WDR64: variants seen among roughly 807,000 people sequenced by gnomAD.
WDR64 encodes the protein WD repeat domain 64.
WDR64 carries 112 observed loss-of-function variants against 139.3 expected under a neutral mutation model. The observed-to-expected ratio is 0.80, with a 90% CI of 0.69 to 0.94. WDR64 has a LOEUF of 0.94. WDR64 is among the 40% of genes least tolerant of loss of function. WDR64 has a pLI of 0.00. For missense variants in WDR64, 1,206 were observed against 1,293.1 expected (o/e 0.93, Z 1.03); for synonymous variants, 444 against 437.7 (o/e 1.01, Z -0.18).
rs1244880257 is a variant in WDR64, at chr1:241,796,296, G to A, written c.3118G>A (p.Gly1040Ser). 6.2e-7 allele frequency: 1 copy of A among 1,613,564 alleles called. No homozygotes were observed. Among genetic ancestry groups the A allele is most frequent in the Non-Finnish European group, 8.5e-7 (1 of 1,179,776 alleles). ...PTSLRFLPLI[G>S]VEAQKDSSDG... Reference sequence around the variant, plus strand: ...TAGTCTAAGATTTCTTCCACTGATTGGCGTAGAAGCCCAAAAGGACTCTTC... The same window carrying A: ...TAGTCTAAGATTTCTTCCACTGATTAGCGTAGAAGCCCAAAAGGACTCTTC... The change falls in exon 27 of 28, where the codon GGC becomes AGC. Residue 1040 changes from glycine (G) to serine (S), a missense_variant. By Grantham distance (56) the Gly-to-Ser change is moderately conservative. Coordinates refer to ENST00000437684, the MANE Select transcript of WDR64 (RefSeq NM_001367482.1).
At chr1:241,790,457 A>T (rs1056826977) in intron 24 of WDR64, 134 bp from the exon 25 acceptor site, 2 of 674,626 alleles carry the variant, frequency 3.0e-6, no homozygotes, top group Non-Finnish European at 5.0e-6. Flanking sequence ...TTGAGTGTAG[A>T]GATACTGTCA....
At chr1:241,795,139 G>C (rs1558528253) in intron 25 of WDR64, 68 bp from the exon 26 acceptor site, 2 of 1,414,932 alleles carry the variant, frequency 1.4e-6, no homozygotes, top group East Asian at 4.6e-5. Flanking sequence ...GTCAGGATTT[G>C]AACCCAGGTA....
intron 3 of WDR64, among the ~76,000 whole-genome samples, 166 bp downstream of exon 3, chr1:241,671,342 A>C (rs529110996): frequency 2.6e-5 from 4 of 152,224 alleles, no homozygotes; most frequent in Non-Finnish European, 5.9e-5. Flanking sequence ...TATCAGAAGA[A>C]ACTCTACTAC....
chr1:241,685,461 GA>G (rs1466594096), intron 7 of WDR64, among the ~76,000 whole-genome samples: 1 of 151,802 alleles, frequency 6.6e-6, no homozygotes, highest in African/African-American at 2.4e-5. Context: ...TTTCTACTTA[GA>G]AAAATATTGA....
At chr1:241,733,613 G>T (rs566620878) in intron 10 of WDR64, among the ~76,000 whole-genome samples, 1 of 149,824 alleles carries the variant, frequency 6.7e-6, no homozygotes, top group Non-Finnish European at 1.5e-5. Context: ...ATACATATAT[G>T]CACATATTAT....
intron 9 of WDR64, among the ~76,000 whole-genome samples, chr1:241,718,563 C>G (rs1330217390): frequency 6.6e-6 from 1 of 152,098 alleles, no homozygotes; most frequent in Admixed American, 6.6e-5. Flanking sequence ...ATTTTTCTCT[C>G]TTGCTGTTAA....
intron 1 of WDR64, among the ~76,000 whole-genome samples, chr1:241,657,449 G>C (rs1342198771): frequency 6.6e-6 from 1 of 152,110 alleles, no homozygotes; most frequent in Non-Finnish European, 1.5e-5. Flanking sequence ...CTTCGCCCCT[G>C]GTCTCACCTC....
intron 22 of WDR64, among the ~76,000 whole-genome samples, chr1:241,782,541 CAG>C (rs146889584): frequency 0.017 from 2,541 of 152,268 alleles, 92 homozygotes; most frequent in African/African-American, 0.058. Flanking sequence ...AATATACTCA[CAG>C]GGGGTGTGAG....
At chr1:241,742,116 G>GAGAACTGTGAACATCTTTAAA (rs1288067236) in intron 12 of WDR64, among the ~76,000 whole-genome samples, 2 of 152,224 alleles carry the variant, frequency 1.3e-5, no homozygotes, top group Non-Finnish European at 2.9e-5. Flanking sequence ...TCTGTGAACA[G>GAGAACTGTGAACATCTTTAAA]ATAAAGAGTT....
rs146457042 is a variant in WDR64, at chr1:241,777,204, C to T, written c.2536+1994C>T. 4.8e-3 allele frequency among the ~76,000 whole-genome samples: 735 copies of T among 152,280 alleles called. 9 individuals carry two copies. The highest frequency in any genetic ancestry group is 0.017 in the African/African-American group (700 of 41,572). On this transcript the variant is annotated intron_variant, in intron 21 of 27. Transcript: ENST00000437684. ...CCAACTCCTGCAAGTGATCCTTCCA[C>T]CTCAGCCTCCTGAGTAGCTAAGACT...
At chr1:241,732,393 T>C (rs1182859549) in intron 10 of WDR64, among the ~76,000 whole-genome samples, 1 of 152,222 alleles carries the variant, frequency 6.6e-6, no homozygotes. Context: ...TATTAATCTT[T>C]GTATCTGTAA....
Position 241,674,256 on chromosome 1 carries a change from C to CTTTTT in WDR64, c.380-384_380-383insTTTTT, listed in dbSNP as rs544401027. ...AAGCTGGCTGTTTATCTTTTTTTTT[C>CTTTTT]TTTTCTTTTTTTTTTTTTTTGAGAC... On this transcript the variant is annotated intron_variant, in intron 3 of 27. Coordinates refer to ENST00000437684, the MANE Select transcript of WDR64 (RefSeq NM_001367482.1). Among the ~76,000 whole-genome samples the CTTTTT allele has an allele frequency of 9.3e-4, 113 of 121,320 alleles. 16 individuals are homozygous for CTTTTT. The highest frequency in any genetic ancestry group is 8.4e-4 in the African/African-American group (28 of 33,158). The allele number at this position is 121,320 out of a possible 152,430, so 79.6% of individuals were successfully genotyped here.
chr1:241,653,800 C>T (rs1665466198), intron 1 of WDR64, among the ~76,000 whole-genome samples: 1 of 152,218 alleles, frequency 6.6e-6, no homozygotes, highest in Non-Finnish European at 1.5e-5. Context: ...CTGCCATGGC[C>T]TCCCAAAGTG....
chr1:241,779,578 C>T (rs1658776128), intron 21 of WDR64, among the ~76,000 whole-genome samples: 1 of 152,272 alleles, frequency 6.6e-6, no homozygotes, highest in African/African-American at 2.4e-5. Flanking sequence ...GTAATCCCAG[C>T]ACTTTAGGAG....
At chr1:241,687,904 A>C (rs1206633658) in intron 8 of WDR64, among the ~76,000 whole-genome samples, 1 of 152,200 alleles carries the variant, frequency 6.6e-6, no homozygotes, top group African/African-American at 2.4e-5. Context: ...AAATTTTATA[A>C]TTTTAAAATC....
chr1:241,780,376 G>A (rs1658802375), intron 22 of WDR64, among the ~76,000 whole-genome samples: 1 of 152,252 alleles, frequency 6.6e-6, no homozygotes, highest in African/African-American at 2.4e-5. Flanking sequence ...GTCCTCCACA[G>A]TCAGTTTCTA....
chr1:241,795,300 T>G lies in WDR64; in HGVS notation c.3078+13T>G. On this transcript the variant is annotated intron_variant, in intron 26 of 27. Coordinates refer to ENST00000437684, the MANE Select transcript of WDR64 (RefSeq NM_001367482.1). ...GCCTATATACAGTGTGAGTTGGAGT[T>G]TCTAGGAGTAGAGGGGTCACAGAAC... 6.2e-7 allele frequency: 1 copy of G among 1,609,566 alleles called. No individual in the cohort carries two copies. Among genetic ancestry groups the G allele is most frequent in the Non-Finnish European group, 8.5e-7 (1 of 1,177,130 alleles).
rs1296893731 is a variant in WDR64 at position 241,735,531 on chromosome 1, C to CCCTTTT, written c.1195-2832_1195-2831insCCTTTT. 6.3e-4 allele frequency among the ~76,000 whole-genome samples: 61 copies of CCCTTTT among 96,814 alleles called. 2 individuals are homozygous for CCCTTTT. Among genetic ancestry groups the CCCTTTT allele is most frequent in the African/African-American group, 2.5e-3 (60 of 24,422 alleles). The allele number at this position is 96,814 out of a possible 152,430, so 63.5% of individuals were successfully genotyped here. Reference sequence around the variant, plus strand: ...TAGTTCTCTGTCTCTCTCTCTCTCTCTCTTTTTTTTTTTTTTTTTTTGATA... The same window carrying CCCTTTT: ...TAGTTCTCTGTCTCTCTCTCTCTCTCCCTTTTTCTTTTTTTTTTTTTTTTTTTGATA... On this transcript the variant is annotated intron_variant, in intron 10 of 27. Coordinates refer to ENST00000437684, the MANE Select transcript of WDR64 (RefSeq NM_001367482.1).
At chr1:241,749,169 G>GAAT (rs1669883719) in intron 13 of WDR64, among the ~76,000 whole-genome samples, 1 of 152,142 alleles carries the variant, frequency 6.6e-6, no homozygotes, top group Non-Finnish European at 1.5e-5. Context: ...CTTTCACTGT[G>GAAT]AATAATAGTC....
Sources: allele counts gnomAD v4.1 joint callset (sites outside exome capture counted in the v4.1 genomes callset), GRCh38; gene constraint gnomAD v4.1.1; transcripts MANE v1.5; gene names NCBI Gene and HGNC (gene_info 2026-07-23, HGNC 2026-07-21).